The following CALN1 variants were observed in gnomAD, a reference collection of about 807,000 sequenced individuals.
CALN1 encodes the protein calcium-binding protein 8.
A neutral mutation model predicts 30.6 loss-of-function variants in CALN1; 17 were observed. The ratio of observed to expected loss-of-function variants is 0.56; its 90% CI spans 0.38 to 0.83. The LOEUF (loss-of-function observed/expected upper bound fraction) is 0.83, where lower values mean the gene tolerates loss of function less well. CALN1 is among the 40% of genes least tolerant of loss of function. CALN1 has a pLI of 0.00. For missense variants in CALN1, 291 were observed against 354.9 expected, an observed-to-expected ratio of 0.82 and a Z score of 1.45; for synonymous variants, 156 against 131.4, an observed-to-expected ratio of 1.19 and a Z score of -1.28.
chr7:71,792,004 G>A (rs186842839), intron 6 of CALN1, among the ~76,000 whole-genome samples: 75 of 149,390 alleles, frequency 5.0e-4, no homozygotes, highest in African/African-American at 1.8e-3. Context: ...GCGAGACTCC[G>A]TCTCAAAAAA....
rs1554348538 is a variant in CALN1, at chr7:72,278,012, G to GGGA, written c.244+673_244+674insTCC. 1.4e-4 allele frequency among the ~76,000 whole-genome samples: 20 copies of GGGA among 138,766 alleles called. 1 individual carries two copies. The highest frequency in any genetic ancestry group is 2.9e-4 in the Admixed American group (4 of 13,836). 91.0% of individuals were successfully genotyped at this position (138,766 alleles called of 152,430 possible). On this transcript the variant is annotated intron_variant, in intron 3 of 6. Transcript: ENST00000395275. Reference sequence around the variant, plus strand: ...AATCAACCTAATCCTCTATTCCGGGGGGGGGGGACTTGTTTTTCCTATTTT... The same window carrying GGGA: ...AATCAACCTAATCCTCTATTCCGGGGGGAGGGGGGGACTTGTTTTTCCTATTTT...
chr7:72,421,295 C>T (rs1807601237), intron 1 of CALN1, among the ~76,000 whole-genome samples: 1 of 152,114 alleles, frequency 6.6e-6, no homozygotes, highest in Non-Finnish European at 1.5e-5. Flanking sequence ...TCCCCACAGT[C>T]CATTAGATCG....
intron 6 of CALN1, among the ~76,000 whole-genome samples, chr7:71,807,435 G>A (rs1014631303): frequency 2.0e-5 from 3 of 152,170 alleles, no homozygotes; most frequent in East Asian, 3.9e-4. Flanking sequence ...CTTTGATCAT[G>A]CTTGAAAAAT....
intron 5 of CALN1, among the ~76,000 whole-genome samples, chr7:71,831,680 G>A (rs1329724152): frequency 1.3e-5 from 2 of 151,194 alleles, no homozygotes; most frequent in African/African-American, 4.9e-5. Context: ...GAGCTCAGGA[G>A]TTCGAGACCA....
Position 71,806,930 on chromosome 7 carries a change from C to A in CALN1, c.658+3406G>T, listed in dbSNP as rs183715470. ...CATTAAACTGTTTCTCTGCTGCAAACCCTGCTGTCTCAGTGTATTGGTCTA... is the reference window on the plus strand; with the variant it reads ...CATTAAACTGTTTCTCTGCTGCAAAACCTGCTGTCTCAGTGTATTGGTCTA... On this transcript the variant is annotated intron_variant, in intron 6 of 6. Transcript: ENST00000395275. Among the ~76,000 whole-genome samples the A allele has an allele frequency of 1.7e-3, 254 of 152,336 alleles. 3 individuals are homozygous for A. Among genetic ancestry groups the A allele is most frequent in the African/African-American group, 6.0e-3 (249 of 41,582 alleles).
intron 3 of CALN1, among the ~76,000 whole-genome samples, chr7:72,147,208 CA>C (rs1465414719): frequency 1.3e-5 from 2 of 152,126 alleles, no homozygotes; most frequent in Non-Finnish European, 2.9e-5. Context: ...AAAATTTTTG[CA>C]ATCTACTCAT....
At chr7:72,390,929 C>T (rs1168725297) in intron 2 of CALN1, among the ~76,000 whole-genome samples, 1 of 152,170 alleles carries the variant, frequency 6.6e-6, no homozygotes, top group Non-Finnish European at 1.5e-5. Flanking sequence ...ACAGGCCTCA[C>T]CAGACTGCCA....
intron 3 of CALN1, among the ~76,000 whole-genome samples, chr7:72,162,924 T>C (rs184050724): frequency 2.8e-4 from 43 of 152,302 alleles, no homozygotes; most frequent in African/African-American, 1.0e-3. Context: ...AAAGGAAATA[T>C]TCCAGAAAGG....
intron 4 of CALN1, among the ~76,000 whole-genome samples, chr7:72,097,328 C>T (rs1203855093): frequency 2.0e-5 from 3 of 152,106 alleles, no homozygotes; most frequent in Admixed American, 6.6e-5. Flanking sequence ...ACTGAAAATG[C>T]AGAAATCAGT....
At chr7:71,963,669 T>C (rs191582472) in intron 5 of CALN1, among the ~76,000 whole-genome samples, 6 of 152,318 alleles carry the variant, frequency 3.9e-5, no homozygotes, top group Admixed American at 6.5e-5. Flanking sequence ...CCACTTTTTT[T>C]CCCTTACCCC....
At chr7:72,009,293 C>T (rs1476902463) in intron 5 of CALN1, among the ~76,000 whole-genome samples, 1 of 151,994 alleles carries the variant, frequency 6.6e-6, no homozygotes, top group Admixed American at 6.6e-5. Flanking sequence ...TTTGTATAAA[C>T]TATAGGTCAC....
the CALN1 span, among the ~76,000 whole-genome samples, chr7:72,494,254 G>T: frequency 1.1e-4 from 16 of 152,264 alleles, no homozygotes; most frequent in Non-Finnish European, 2.2e-4. Flanking sequence ...TCGTGCATTC[G>T]GGGATGCACA....
At chr7:72,340,550 C>A (rs1277931971) in intron 2 of CALN1, among the ~76,000 whole-genome samples, 1 of 152,198 alleles carries the variant, frequency 6.6e-6, no homozygotes. Flanking sequence ...TGGTGCCCTG[C>A]AAATACATGC....
At chr7:71,993,204 A>G (rs1024194988) in intron 5 of CALN1, among the ~76,000 whole-genome samples, 1 of 152,142 alleles carries the variant, frequency 6.6e-6, no homozygotes, top group Non-Finnish European at 1.5e-5. Flanking sequence ...CCAGGAAGAC[A>G]TATCACCAGC....
chr7:72,407,971 G>T (rs970789127), intron 1 of CALN1, among the ~76,000 whole-genome samples: 2 of 152,160 alleles, frequency 1.3e-5, no homozygotes, highest in Admixed American at 1.3e-4. Flanking sequence ...GAGTATCCAA[G>T]AAGGGAGACT....
intron 5 of CALN1, among the ~76,000 whole-genome samples, chr7:71,910,540 C>T (rs1028763842): frequency 1.3e-5 from 2 of 152,200 alleles, no homozygotes; most frequent in African/African-American, 4.8e-5. Flanking sequence ...TGCACCCTCT[C>T]TCCAGGGTAT....
intron 4 of CALN1, among the ~76,000 whole-genome samples, chr7:72,102,771 T>A (rs191020594): frequency 2.1e-3 from 312 of 152,044 alleles, no homozygotes; most frequent in Non-Finnish European, 4.9e-4. Flanking sequence ...TGAGAGGTGA[T>A]GGCTAAGAGG....
chr7:72,128,122 T>C (rs1455640395), intron 3 of CALN1, among the ~76,000 whole-genome samples: 4 of 152,160 alleles, frequency 2.6e-5, no homozygotes, highest in Non-Finnish European at 5.9e-5. Context: ...AATTCCATTG[T>C]AGGAATTCAT....
intron 2 of CALN1, among the ~76,000 whole-genome samples, chr7:72,309,539 AG>A (rs750094623): frequency 4.9e-4 from 75 of 152,262 alleles, no homozygotes; most frequent in African/African-American, 1.7e-3. Context: ...ACGGGACTCA[AG>A]GAACGGCAAC....
Sources: allele counts gnomAD v4.1 joint callset (sites outside exome capture counted in the v4.1 genomes callset), GRCh38; gene constraint gnomAD v4.1.1; transcripts MANE v1.5; gene names NCBI Gene and HGNC (gene_info 2026-07-23, HGNC 2026-07-21).